The following DCUN1D5 variants were observed in gnomAD, a reference collection of about 807,000 sequenced individuals.
The protein encoded by DCUN1D5 is defective in cullin neddylation 1 domain containing 5.
DCUN1D5 carries 10 observed loss-of-function variants against 38.3 expected under a neutral mutation model. The observed-to-expected ratio is 0.26, with a 90% CI of 0.16 to 0.44. The LOEUF (loss-of-function observed/expected upper bound fraction) is 0.44, where lower values mean the gene tolerates loss of function less well. Ranked by LOEUF, DCUN1D5 falls within the 20% of genes least tolerant of loss-of-function variation. DCUN1D5 has a pLI of 1.00. For missense variants in DCUN1D5, 148 were observed against 275.3 expected (o/e 0.54, Z 3.27); for synonymous variants, 93 against 90.9 (o/e 1.02, Z -0.13).
At chr11:103,069,220 C>G (rs1862211058) in intron 4 of DCUN1D5, among the ~76,000 whole-genome samples, 1 of 152,096 alleles carries the variant, frequency 6.6e-6, no homozygotes, top group African/African-American at 2.4e-5. Context: ...TTTCTTTTTG[C>G]CTAATATATT....
chr11:103,054,097 T>G lies in DCUN1D5; in HGVS notation c.*8262A>C, dbSNP rs749186570. On this transcript the variant is annotated 3_prime_UTR_variant, in exon 8 of 8. Transcript: ENST00000260247. ...CCTCATTCCAGAAGGTTCCATTTCA[T>G]GTCAAACTTCTCAAACTGACGTAAG... 2.0e-5 allele frequency: 3 copies of G among 152,220 alleles called. No individual in the cohort carries two copies. Among genetic ancestry groups the G allele is most frequent in the East Asian group, 3.9e-4 (2 of 5,176 alleles). The allele number at this position is 152,220 out of a possible 1,614,324, so 9.4% of individuals were successfully genotyped here. A position where few individuals can be genotyped will look rare whatever the true frequency, so the allele number is the denominator to read the frequency against.
At chr11:103,079,002 T>C (rs1862481093) in intron 4 of DCUN1D5, among the ~76,000 whole-genome samples, 1 of 152,224 alleles carries the variant, frequency 6.6e-6, no homozygotes, top group Non-Finnish European at 1.5e-5. Context: ...TACCAGCCTG[T>C]GGCCTGTTAG....
chr11:103,089,644 T>C (rs1011910213), intron 1 of DCUN1D5, among the ~76,000 whole-genome samples: 3 of 152,184 alleles, frequency 2.0e-5, no homozygotes, highest in East Asian at 3.8e-4. Flanking sequence ...ATTATGATTC[T>C]ATTGATTTGC....
At position 103,066,176 on chromosome 11, in the gene DCUN1D5, G is replaced by T; in HGVS notation, c.555+93C>A. ...ATTTTTTCTCTAAAGTTTTTTTAAA[G>T]CATACTATTAAAAATCTACTTGTTC... On this transcript the variant is annotated intron_variant, in intron 6 of 7. Coordinates refer to ENST00000260247, the MANE Select transcript of DCUN1D5 (RefSeq NM_032299.4). This position sits in a 1 kb window ranked among gnomAD's most constrained non-coding sequence, Gnocchi z 4.7. The T allele has an allele frequency of 1.4e-6, 1 of 731,704 alleles. No homozygotes were observed. Among genetic ancestry groups the T allele is most frequent in the Non-Finnish European group, 2.1e-6 (1 of 480,762 alleles). The allele number at this position is 731,704 out of a possible 1,614,324, so 45.3% of individuals were successfully genotyped here. A position where few individuals can be genotyped will look rare whatever the true frequency, so the allele number is the denominator to read the frequency against.
At chr11:103,082,341 G>T (rs551776505) in intron 4 of DCUN1D5, among the ~76,000 whole-genome samples, 45 of 152,186 alleles carry the variant, frequency 3.0e-4, no homozygotes, top group African/African-American at 1.1e-3. Flanking sequence ...AATTTTTAAA[G>T]TCAAATATTA....
chr11:103,068,216 A>T (rs922121034), intron 4 of DCUN1D5, among the ~76,000 whole-genome samples: 2 of 152,130 alleles, frequency 1.3e-5, no homozygotes, highest in African/African-American at 4.8e-5. Flanking sequence ...AATTAATTTA[A>T]TATAGTATTT....
rs1862075086 is a variant in DCUN1D5, at chr11:103,063,935, A to G, written c.658+340T>C. On this transcript the variant is annotated intron_variant, in intron 7 of 7. Transcript: ENST00000260247. The surrounding 1 kb of genome is among the most constrained non-coding windows in gnomAD (Gnocchi z 4.6). ...TATTGTGGCTGATTGTTTTGCTGTTATATTTTTAAAATCATGACTGTACTT... is the reference window on the plus strand; with the variant it reads ...TATTGTGGCTGATTGTTTTGCTGTTGTATTTTTAAAATCATGACTGTACTT... Among the ~76,000 whole-genome samples, 1 of 152,178 alleles carries G rather than the reference A, an allele frequency of 6.6e-6. No individual in the cohort carries two copies. The highest frequency in any genetic ancestry group is 2.4e-5 in the African/African-American group (1 of 41,460).
In DCUN1D5 at chr11:103,061,963, A is replaced by AGAC; in HGVS notation, c.*393_*395dup. 1.1e-5 allele frequency: 2 copies of AGAC among 175,870 alleles called. No homozygotes were observed. Among genetic ancestry groups the AGAC allele is most frequent in the Middle Eastern group, 5.4e-3 (2 of 370 alleles). The allele number at this position is 175,870 out of a possible 1,614,324, so 10.9% of individuals were successfully genotyped here. A position where few individuals can be genotyped will look rare whatever the true frequency, so the allele number is the denominator to read the frequency against. On this transcript the variant is annotated 3_prime_UTR_variant, in exon 8 of 8. Coordinates refer to ENST00000260247, the MANE Select transcript of DCUN1D5 (RefSeq NM_032299.4). ...CAGCAGACTATGTTGCCAAATATTAAGACTGTTTAAAATCTTGAAAATTCT... is the reference window on the plus strand; with the variant it reads ...CAGCAGACTATGTTGCCAAATATTAAGACGACTGTTTAAAATCTTGAAAATTCT...
intron 1 of DCUN1D5, among the ~76,000 whole-genome samples, chr11:103,089,756 T>C (rs1862807055): frequency 6.6e-6 from 1 of 152,146 alleles, no homozygotes; most frequent in African/African-American, 2.4e-5. Context: ...TAAAATGTTA[T>C]ATTAAGAGTT....
Position 103,091,338 on chromosome 11 carries a change from T to C in DCUN1D5, c.86+449A>G, listed in dbSNP as rs1054474236. ...TTCCTTTCTACCATTCCCAAGACAG[T>C]TGTCAAGATTCCTTATGTTCTGCTT... On this transcript the variant is annotated intron_variant, in intron 1 of 7. Coordinates refer to ENST00000260247, the MANE Select transcript of DCUN1D5 (RefSeq NM_032299.4). This position sits in a 1 kb window ranked among gnomAD's most constrained non-coding sequence, Gnocchi z 4.3. Among the ~76,000 whole-genome samples the C allele has an allele frequency of 3.3e-4, 50 of 152,050 alleles. No individual in the cohort carries two copies. The highest frequency in any genetic ancestry group is 1.9e-4 in the Non-Finnish European group (13 of 68,002).
intron 1 of DCUN1D5, among the ~76,000 whole-genome samples, chr11:103,090,584 T>C (rs1223734833): frequency 1.3e-5 from 2 of 152,164 alleles, no homozygotes; most frequent in Admixed American, 6.5e-5. Context: ...TGCCAACCAT[T>C]GATGAAAAGG....
At chr11:103,080,961 A>T (rs1455633558) in intron 4 of DCUN1D5, among the ~76,000 whole-genome samples, 1 of 151,914 alleles carries the variant, frequency 6.6e-6, no homozygotes, top group Non-Finnish European at 1.5e-5. Context: ...GTGAGCCAAG[A>T]TCGCGCCACT....
At position 103,056,921 on chromosome 11, in the gene DCUN1D5, C is replaced by A. The variant is rs1024868276; in HGVS notation, c.*5438G>T. 6.6e-6 allele frequency among the ~76,000 whole-genome samples: 1 copy of A among 152,062 alleles called. No individual in the cohort carries two copies. Among genetic ancestry groups the A allele is most frequent in the African/African-American group, 2.4e-5 (1 of 41,408 alleles). On this transcript the variant is annotated 3_prime_UTR_variant, in exon 8 of 8. Transcript: ENST00000260247. This position sits in a 1 kb window ranked among gnomAD's most constrained non-coding sequence, Gnocchi z 4.9. ...CTGTGGATAGGGCCTATTTGAACTT[C>A]GTAACAATACTGGTAGGTATCATTA...
intron 4 of DCUN1D5, among the ~76,000 whole-genome samples, chr11:103,068,678 T>A (rs1470291046): frequency 2.6e-5 from 4 of 152,076 alleles, no homozygotes; most frequent in African/African-American, 7.2e-5. Context: ...CACTGGGGTC[T>A]ACTTGAAGGT....
chr11:103,081,114 C>T (rs1475001960), intron 4 of DCUN1D5, among the ~76,000 whole-genome samples: 9 of 151,814 alleles, frequency 5.9e-5, no homozygotes, highest in Admixed American at 5.9e-4. Context: ...TTTGTGCTTA[C>T]ACATTTTTGT....
Position 103,059,326 on chromosome 11 carries a change from T to C in DCUN1D5, c.*3033A>G, listed in dbSNP as rs1391809753. On this transcript the variant is annotated 3_prime_UTR_variant, in exon 8 of 8. Coordinates refer to ENST00000260247, the MANE Select transcript of DCUN1D5 (RefSeq NM_032299.4). ...TTGTATGCCTTGAAAACTCTGGAGT[T>C]ATCTCAGAATTTACTCCCACCCCGA... Among the ~76,000 whole-genome samples the C allele has an allele frequency of 6.6e-6, 1 of 152,120 alleles. No homozygotes were observed. Among genetic ancestry groups the C allele is most frequent in the African/African-American group, 2.4e-5 (1 of 41,420 alleles).
chr11:103,064,247 T>C lies in DCUN1D5; in HGVS notation c.658+28A>G. On this transcript the variant is annotated intron_variant, in intron 7 of 7. Transcript: ENST00000260247. The surrounding 1 kb of genome is among the most constrained non-coding windows in gnomAD (Gnocchi z 4.5). ...TTTAATATTTTTGGAAATTTTGTTT[T>C]CAAAGGAACATGTTATGTTATACTT... The C allele has an allele frequency of 1.3e-6, 2 of 1,578,794 alleles. No homozygotes were observed. Among genetic ancestry groups the C allele is most frequent in the Non-Finnish European group, 1.7e-6 (2 of 1,156,390 alleles).
At position 103,071,093 on chromosome 11, in the gene DCUN1D5, A is replaced by G. The variant is rs1862259386; in HGVS notation, c.342-4526T>C. On this transcript the variant is annotated intron_variant, in intron 4 of 7. Coordinates refer to ENST00000260247, the MANE Select transcript of DCUN1D5 (RefSeq NM_032299.4). The surrounding 1 kb of genome is among the most constrained non-coding windows in gnomAD (Gnocchi z 4.1). Reference sequence around the variant, plus strand: ...GAAGGAAATTTATAGTGCTAAATACACACATTAGAAAAAAGAAAAAGCCTT... The same window carrying G: ...GAAGGAAATTTATAGTGCTAAATACGCACATTAGAAAAAAGAAAAAGCCTT... Among the ~76,000 whole-genome samples the G allele has an allele frequency of 2.6e-5, 4 of 152,106 alleles. No individual in the cohort carries two copies.
chr11:103,060,675 A>C lies in DCUN1D5; in HGVS notation c.*1684T>G, dbSNP rs1861990996. 1.3e-5 allele frequency among the ~76,000 whole-genome samples: 2 copies of C among 152,176 alleles called. No individual in the cohort carries two copies. Among genetic ancestry groups the C allele is most frequent in the Admixed American group, 1.3e-4 (2 of 15,276 alleles). ...TTTTACTCAAATACTGAAGATGAAA[A>C]AGATATTACCATTAGTTCAGGTTAC... On this transcript the variant is annotated 3_prime_UTR_variant, in exon 8 of 8. Coordinates refer to ENST00000260247, the MANE Select transcript of DCUN1D5 (RefSeq NM_032299.4).
Sources: gnomAD v4.1 joint callset for allele counts (sites outside exome capture counted in the v4.1 genomes callset) on GRCh38, gnomAD v4.1.1 for gene constraint, Gnocchi (gnomAD v3.1) non-coding constraint, MANE v1.5 for transcripts, NCBI Gene and HGNC (gene_info 2026-07-23, HGNC 2026-07-21) for gene names.